The following FGF12 variants were observed in gnomAD, a reference collection of about 807,000 sequenced individuals.
FGF12 encodes fibroblast growth factor 12, also known as fibroblast growth factor 12B.
In FGF12, 14 loss-of-function variants were observed where a neutral mutation model predicts 23.6. The observed-to-expected ratio is 0.59, with a 90% CI of 0.39 to 0.93. The LOEUF is 0.93. Among genes scored for constraint, FGF12 ranks in the 40% least tolerant of loss-of-function variants. FGF12 has a pLI of 0.00. For missense variants in FGF12, 175 were observed against 217.8 expected (o/e 0.80, Z 1.24); for synonymous variants, 62 against 77.3 (o/e 0.80, Z 1.04).
chr3:192,533,438 T>C (rs1426947590), intron 2 of FGF12, among the ~76,000 whole-genome samples: 2 of 152,168 alleles, frequency 1.3e-5, no homozygotes, highest in Non-Finnish European at 2.9e-5. Flanking sequence ...ATGAAATACA[T>C]TGATATTTCT....
chr3:192,535,704 A>G (rs1725207142), intron 2 of FGF12, among the ~76,000 whole-genome samples: 1 of 152,210 alleles, frequency 6.6e-6, no homozygotes, highest in Non-Finnish European at 1.5e-5. Flanking sequence ...AAATTTGCAT[A>G]CAACTTGCTG....
intron 2 of FGF12, among the ~76,000 whole-genome samples, chr3:192,461,949 C>G (rs1722877326): frequency 6.6e-6 from 1 of 151,154 alleles, no homozygotes; most frequent in African/African-American, 2.4e-5. Flanking sequence ...GAGATCGCAC[C>G]ACGGCACTCC....
intron 2 of FGF12, among the ~76,000 whole-genome samples, chr3:192,477,929 T>C (rs1723372701): frequency 6.6e-6 from 1 of 152,218 alleles, no homozygotes; most frequent in Non-Finnish European, 1.5e-5. Flanking sequence ...AAAATACAAC[T>C]TGTTTCAATT....
intron 4 of FGF12, among the ~76,000 whole-genome samples, chr3:192,216,669 A>G (rs1560196030): frequency 6.6e-6 from 1 of 152,212 alleles, no homozygotes; most frequent in Non-Finnish European, 1.5e-5. Context: ...CAATCTCTAA[A>G]TAGTTCTCTC....
intron 2 of FGF12, among the ~76,000 whole-genome samples, chr3:192,691,910 G>C (rs1400576082): frequency 6.6e-6 from 1 of 151,950 alleles, no homozygotes; most frequent in Non-Finnish European, 1.5e-5. Flanking sequence ...AAATTTGATA[G>C]CCTAAGAGAA....
chr3:192,323,224 C>A (rs190547801), intron 4 of FGF12, among the ~76,000 whole-genome samples: 12 of 152,110 alleles, frequency 7.9e-5, no homozygotes, highest in African/African-American at 2.4e-4. Flanking sequence ...TAGGTATATC[C>A]AAAAGAAAGG....
chr3:192,626,780 C>G (rs1715185658), intron 2 of FGF12, among the ~76,000 whole-genome samples: 1 of 151,942 alleles, frequency 6.6e-6, no homozygotes, highest in African/African-American at 2.4e-5. Flanking sequence ...AATTTTTAAA[C>G]AAATTTTGGT....
At chr3:192,577,026 G>A (rs1400895847) in intron 2 of FGF12, among the ~76,000 whole-genome samples, 4 of 152,106 alleles carry the variant, frequency 2.6e-5, no homozygotes, top group Admixed American at 1.3e-4. Flanking sequence ...GGGACACAGG[G>A]AGGGAACATC....
At chr3:192,304,248 T>G (rs1372797995) in intron 4 of FGF12, among the ~76,000 whole-genome samples, 1 of 152,164 alleles carries the variant, frequency 6.6e-6, no homozygotes, top group African/African-American at 2.4e-5. Context: ...CCACAGCTTT[T>G]TAACACATTC....
intron 4 of FGF12, among the ~76,000 whole-genome samples, chr3:192,281,074 G>T (rs897425773): frequency 6.6e-6 from 1 of 152,032 alleles, no homozygotes. Context: ...CAGTGTGTGG[G>T]GTATATTAGT....
intron 5 of FGF12, among the ~76,000 whole-genome samples, chr3:192,145,142 C>T (rs1426727222): frequency 6.6e-6 from 1 of 152,186 alleles, no homozygotes; most frequent in Non-Finnish European, 1.5e-5. Flanking sequence ...CCTGACTCAG[C>T]CATCTCCTAG....
chr3:192,451,395 A>G (rs770961003), intron 2 of FGF12, among the ~76,000 whole-genome samples: 3 of 152,232 alleles, frequency 2.0e-5, no homozygotes, highest in Non-Finnish European at 4.4e-5. Flanking sequence ...AGCATAAAAT[A>G]CATTGTTCTT....
chr3:192,637,166 T>C (rs1370757239), intron 2 of FGF12, among the ~76,000 whole-genome samples: 1 of 152,224 alleles, frequency 6.6e-6, no homozygotes, highest in Non-Finnish European at 1.5e-5. Context: ...ATGCTGACAA[T>C]GCTTTTGGCT....
chr3:192,560,441 T>G (rs1029363141), intron 2 of FGF12, among the ~76,000 whole-genome samples: 27 of 152,014 alleles, frequency 1.8e-4, no homozygotes, highest in Non-Finnish European at 3.8e-4. Context: ...AATAAGATGG[T>G]TAAACCCTAA....
intron 2 of FGF12, among the ~76,000 whole-genome samples, chr3:192,712,361 A>G (rs1041971327): frequency 1.3e-5 from 2 of 151,936 alleles, no homozygotes; most frequent in Admixed American, 1.3e-4. Context: ...TTAAAGAATT[A>G]AAGAAAAAAA....
intron 2 of FGF12, among the ~76,000 whole-genome samples, chr3:192,404,875 T>G (rs1720901344): frequency 6.6e-6 from 1 of 152,216 alleles, no homozygotes; most frequent in Admixed American, 6.5e-5. Flanking sequence ...CTTCTACAAG[T>G]TACCTCTTCT....
At chr3:192,667,566 C>T (rs1459072406) in intron 2 of FGF12, among the ~76,000 whole-genome samples, 2 of 142,116 alleles carry the variant, frequency 1.4e-5, no homozygotes, top group African/African-American at 5.3e-5. Context: ...GCCGAGATCG[C>T]TGCCACTGCA....
Position 192,443,625 on chromosome 3 carries a change from C to T in FGF12, c.14-83087G>A, listed in dbSNP as rs183521926. 7.2e-5 allele frequency among the ~76,000 whole-genome samples: 11 copies of T among 152,232 alleles called. No individual in the cohort carries two copies. The East Asian group carries it at 7.7e-4, about 11-fold the overall frequency. ...TGGCTCAATATTTAAAATAACATTT[C>T]GGTTAAGACCTGAGTTCAAAATGTC... On this transcript the variant is annotated intron_variant, in intron 2 of 5. Coordinates refer to ENST00000445105, the MANE Select transcript of FGF12 (RefSeq NM_004113.6).
chr3:192,513,186 G>A (rs1288781490), intron 2 of FGF12, among the ~76,000 whole-genome samples: 1 of 151,738 alleles, frequency 6.6e-6, no homozygotes, highest in East Asian at 1.9e-4. Context: ...TGTGGACCAG[G>A]AAAAAATGAA....
Sources: allele counts gnomAD v4.1 joint callset (sites outside exome capture counted in the v4.1 genomes callset), GRCh38; gene constraint gnomAD v4.1.1; transcripts MANE v1.5; gene names NCBI Gene and HGNC (gene_info 2026-07-23, HGNC 2026-07-21).